ZNF407: variants seen among roughly 807,000 people sequenced by gnomAD.
ZNF407 encodes the protein zinc finger protein 407.
ZNF407 carries 17 observed loss-of-function variants against 131.2 expected under a neutral mutation model. The observed-to-expected ratio is 0.13, with a 90% CI of 0.09 to 0.19. The LOEUF (loss-of-function observed/expected upper bound fraction) is 0.19. ZNF407 is among the 10% of genes least tolerant of loss of function. The pLI is 1.00. For synonymous variants in ZNF407, 1,156 were observed against 1,062.0 expected (o/e 1.09, Z -1.72); for missense variants, 2,681 against 2,830.6 (o/e 0.95, Z 1.20).
intron 7 of ZNF407, among the ~76,000 whole-genome samples, chr18:74,908,919 T>C (rs1415133778): frequency 2.0e-5 from 3 of 152,134 alleles, no homozygotes; most frequent in African/African-American, 7.2e-5. Context: ...AAATCATAAT[T>C]AATCCTGGTA....
intron 4 of ZNF407, chr18:74,803,936 T>A (rs1283550205): frequency 6.5e-7 from 1 of 1,549,630 alleles, no homozygotes; most frequent in Non-Finnish European, 8.7e-7. Context: ...TGAAGCAATT[T>A]AACAAACTTG....
chr18:75,044,947 CA>C (rs1232763564), intron 8 of ZNF407, among the ~76,000 whole-genome samples: 1 of 152,116 alleles, frequency 6.6e-6, no homozygotes, highest in Non-Finnish European at 1.5e-5. Flanking sequence ...AATTCCATTA[CA>C]GCAAAGAATT....
At chr18:74,740,561 T>G (rs1968526309) in intron 3 of ZNF407, among the ~76,000 whole-genome samples, 1 of 152,154 alleles carries the variant, frequency 6.6e-6, no homozygotes, top group African/African-American at 2.4e-5. Flanking sequence ...CCCACCCTTG[T>G]CTCTTTACGT....
intron 3 of ZNF407, among the ~76,000 whole-genome samples, chr18:74,684,762 T>G (rs539330474): frequency 6.6e-6 from 1 of 152,324 alleles, no homozygotes; most frequent in Non-Finnish European, 1.5e-5. Flanking sequence ...ATGAATTACC[T>G]TCACGTGAGT....
intron 8 of ZNF407, among the ~76,000 whole-genome samples, chr18:75,039,658 C>A (rs182467827): frequency 1.4e-5 from 2 of 145,088 alleles, no homozygotes; most frequent in African/African-American, 5.1e-5. Flanking sequence ...CTTATGAATA[C>A]TTGAAAGTTT....
chr18:74,947,963 G>A (rs917355884), intron 8 of ZNF407, among the ~76,000 whole-genome samples: 2 of 152,146 alleles, frequency 1.3e-5, no homozygotes, highest in Admixed American at 6.5e-5. Context: ...AAAACCAAGG[G>A]TCAAAGAGAA....
chr18:74,910,716 A>T (rs567460547), intron 7 of ZNF407, among the ~76,000 whole-genome samples: 1 of 152,118 alleles, frequency 6.6e-6, no homozygotes, highest in Admixed American at 6.6e-5. Context: ...CCACATTTTT[A>T]ATGATTAGAG....
chr18:74,657,071 G>C (rs1985491322), intron 3 of ZNF407, among the ~76,000 whole-genome samples: 3 of 142,784 alleles, frequency 2.1e-5, no homozygotes, highest in Non-Finnish European at 4.5e-5. Flanking sequence ...TTCCAGCCAA[G>C]TGTTGAACTA....
intron 8 of ZNF407, among the ~76,000 whole-genome samples, chr18:74,949,179 C>T (rs1034350797): frequency 6.6e-6 from 1 of 152,134 alleles, no homozygotes; most frequent in African/African-American, 2.4e-5. Context: ...GACAAACACA[C>T]ATTTGAAATA....
chr18:75,054,082 C>T (rs531822360), intron 8 of ZNF407, among the ~76,000 whole-genome samples: 20 of 152,364 alleles, frequency 1.3e-4, no homozygotes, highest in African/African-American at 4.8e-4. Context: ...TCTCCTGGCA[C>T]ACACCAACTC....
At chr18:74,892,244 C>T (rs1364339236) in intron 7 of ZNF407, among the ~76,000 whole-genome samples, 1 of 152,246 alleles carries the variant, frequency 6.6e-6, no homozygotes, top group African/African-American at 2.4e-5. Context: ...TTGGTATGAG[C>T]ACAGCACAAG....
At chr18:75,052,652 C>T (rs561525244) in intron 8 of ZNF407, among the ~76,000 whole-genome samples, 3 of 152,302 alleles carry the variant, frequency 2.0e-5, no homozygotes, top group South Asian at 2.1e-4. Context: ...TGGACTCAGG[C>T]GTCAGCCGCC....
intron 7 of ZNF407, 115 bp downstream of exon 7, chr18:74,890,153 G>C: frequency 8.4e-7 from 1 of 1,192,304 alleles, no homozygotes; most frequent in Non-Finnish European, 1.1e-6. Context: ...CATATATTCG[G>C]TTGGGAGCTA....
intron 8 of ZNF407, among the ~76,000 whole-genome samples, chr18:74,973,220 G>A (rs1315729581): frequency 6.6e-6 from 1 of 152,138 alleles, no homozygotes; most frequent in African/African-American, 2.4e-5. Context: ...TTTGAGCAAA[G>A]TGTAGAAACT....
At chr18:75,016,182 T>A (rs1278770378) in intron 8 of ZNF407, among the ~76,000 whole-genome samples, 1 of 152,098 alleles carries the variant, frequency 6.6e-6, no homozygotes, top group East Asian at 1.9e-4. Flanking sequence ...GTGGTGGATG[T>A]TGATTTGTGT....
intron 8 of ZNF407, among the ~76,000 whole-genome samples, chr18:74,975,576 C>T (rs1226978024): frequency 6.6e-6 from 1 of 152,048 alleles, no homozygotes; most frequent in Non-Finnish European, 1.5e-5. Flanking sequence ...ATTTTTATAA[C>T]CTTATGAAAT....
rs1568136720 is a variant in ZNF407 at position 74,634,741 on chromosome 18, G to T, written c.3722G>T (p.Gly1241Val). The change falls in exon 2 of 9, where the codon GGA becomes GTA. Residue 1241 changes from glycine (G) to valine (V), a missense_variant. Around this residue, in one of 6 missense-constraint regions of ZNF407, gnomAD observed 1,789 missense variants for 1,748.7 expected, o/e 1.02. Transcript: ENST00000299687. The part of the protein sequence containing the change: ...EGEGGNAGDG[G>V]GVVPHRHLCP... ...GAAGGAGGAAACGCAGGAGACGGTG[G>T]AGGTGTTGTCCCCCACAGACACCTG... The T allele has an allele frequency of 6.2e-7, 1 of 1,614,056 alleles. No individual in the cohort carries two copies. Among genetic ancestry groups the T allele is most frequent in the Non-Finnish European group, 8.5e-7 (1 of 1,179,910 alleles).
At chr18:75,017,994 G>T (rs1973065126) in intron 8 of ZNF407, among the ~76,000 whole-genome samples, 1 of 152,050 alleles carries the variant, frequency 6.6e-6, no homozygotes, top group Admixed American at 6.6e-5. Flanking sequence ...AAATATTCTT[G>T]GGTGGGAGAG....
chr18:75,025,951 GTTT>G (rs1973165948), intron 8 of ZNF407, among the ~76,000 whole-genome samples: 1 of 152,108 alleles, frequency 6.6e-6, no homozygotes, highest in South Asian at 2.1e-4. Flanking sequence ...GATCTGTAAG[GTTT>G]TCAGTTTGTT....
Sources: allele counts gnomAD v4.1 joint callset (sites outside exome capture counted in the v4.1 genomes callset), GRCh38; gene constraint gnomAD v4.1.1; regional missense constraint gnomAD v4.1.1; transcripts MANE v1.5; gene names NCBI Gene and HGNC (gene_info 2026-07-23, HGNC 2026-07-21).